Variants in PCDHGA2 observed in about 807,000 individuals in gnomAD.
The protein encoded by PCDHGA2 is protocadherin gamma-A2.
A neutral mutation model predicts 59.2 loss-of-function variants in PCDHGA2; 40 were observed. The ratio of observed to expected loss-of-function variants is 0.68; its 90% confidence interval spans 0.52 to 0.88. The LOEUF (loss-of-function observed/expected upper bound fraction) is 0.88. PCDHGA2 is among the 40% of genes least tolerant of loss of function. The pLI is 0.00. For synonymous variants in PCDHGA2, 560 were observed against 526.0 expected, an observed-to-expected ratio of 1.06 and a Z score of -0.89; for missense variants, 1,226 against 1,204.0, an observed-to-expected ratio of 1.02 and a Z score of -0.27.
intron 1 of PCDHGA2, among the ~76,000 whole-genome samples, chr5:141,458,236 C>T (rs6874378): frequency 0.18 from 27,546 of 152,106 alleles, 2,658 homozygotes; most frequent in Admixed American, 0.28. Flanking sequence ...AGTCCATGCA[C>T]CAAAATGATA....
intron 1 of PCDHGA2, among the ~76,000 whole-genome samples, chr5:141,444,006 G>T (rs1279816416): frequency 2.0e-5 from 3 of 152,012 alleles, no homozygotes; most frequent in Non-Finnish European, 4.4e-5. Flanking sequence ...TGCTACCTGG[G>T]TATTGGCTTC....
At chr5:141,478,074 A>G in intron 1 of PCDHGA2, 1 of 1,614,090 alleles carries the variant, frequency 6.2e-7, no homozygotes, top group Non-Finnish European at 8.5e-7. Context: ...GACAATGGGG[A>G]GCCTTCGCTC....
intron 1 of PCDHGA2, chr5:141,366,348 C>T (rs374896827): frequency 6.2e-7 from 1 of 1,613,948 alleles, no homozygotes; most frequent in Admixed American, 1.7e-5. Context: ...GACATCCTGG[C>T]TGACCTAGGC....
chr5:141,487,889 T>C lies in PCDHGA2; in HGVS notation c.2425-6918T>C, dbSNP rs984668596. On this transcript the variant is annotated intron_variant, in intron 1 of 3. Transcript: ENST00000394576. The surrounding 1 kb of genome is among the most constrained non-coding windows in gnomAD (Gnocchi z 5.0). ...CAAGAGCCAGGCTGTTGTGGAAGCA[T>C]GATGATGGAATGTGGGAGCACAGGA... 6.7e-6 allele frequency: 5 copies of C among 747,180 alleles called. No homozygotes were observed. The highest frequency in any genetic ancestry group is 1.1e-5 in the Non-Finnish European group (5 of 464,054). The allele number at this position is 747,180 out of a possible 1,614,324, so 46.3% of individuals were successfully genotyped here. A position where few individuals can be genotyped will look rare whatever the true frequency, so the allele number is the denominator to read the frequency against.
chr5:141,424,169 A>G (rs542346399), intron 1 of PCDHGA2: 20 of 225,850 alleles, frequency 8.9e-5, no homozygotes, highest in Middle Eastern at 2.3e-3. Context: ...TCATCTATCT[A>G]TCTATACACA....
chr5:141,356,017 GC>G, intron 1 of PCDHGA2: 1 of 1,613,934 alleles, frequency 6.2e-7, no homozygotes, highest in Non-Finnish European at 8.5e-7. Context: ...AGATGAAGGA[GC>G]CAATGGAGAC....
intron 1 of PCDHGA2, among the ~76,000 whole-genome samples, chr5:141,463,844 G>A (rs545618795): frequency 1.3e-5 from 2 of 152,258 alleles, no homozygotes; most frequent in East Asian, 3.9e-4. Context: ...AGTTGTTATA[G>A]TGGTATATCT....
rs978109236 is a variant in PCDHGA2, at chr5:141,418,889, A to G, written c.2425-75918A>G. 1.9e-6 allele frequency: 3 copies of G among 1,614,020 alleles called. No homozygotes were observed. The African/African-American group carries it at 4.0e-5, about 21-fold the overall frequency. On this transcript the variant is annotated intron_variant, in intron 1 of 3. Coordinates refer to ENST00000394576, the MANE Select transcript of PCDHGA2 (RefSeq NM_018915.4). Reference sequence around the variant, plus strand: ...AGAAGTTGTAGACGAAAACGACAACAGCCCAGAAATAATCATCACGTCACT... The same window carrying G: ...AGAAGTTGTAGACGAAAACGACAACGGCCCAGAAATAATCATCACGTCACT...
intron 1 of PCDHGA2, among the ~76,000 whole-genome samples, chr5:141,387,464 C>T (rs2240699): frequency 0.55 from 83,096 of 152,122 alleles, 25,275 homozygotes; most frequent in African/African-American, 0.83. Context: ...CCTAAAAATC[C>T]TCAAAGTTGG....
chr5:141,390,060 C>G, intron 1 of PCDHGA2: 3 of 1,614,082 alleles, frequency 1.9e-6, no homozygotes, highest in Non-Finnish European at 2.5e-6. Flanking sequence ...GAGCTGCTTC[C>G]AGCCTGGTCT....
At chr5:141,467,208 A>G (rs1272958649) in intron 1 of PCDHGA2, among the ~76,000 whole-genome samples, 1 of 152,064 alleles carries the variant, frequency 6.6e-6, no homozygotes, top group East Asian at 1.9e-4. Flanking sequence ...ACATGCCACC[A>G]TGCCTGGCTA....
chr5:141,427,921 G>A (rs2097089596), intron 1 of PCDHGA2: 3 of 1,580,128 alleles, frequency 1.9e-6, no homozygotes, highest in African/African-American at 1.3e-5. Flanking sequence ...AACATGAGCC[G>A]GCGCATGTTG....
chr5:141,374,215 C>A (rs770866531), intron 1 of PCDHGA2: 22 of 1,613,838 alleles, frequency 1.4e-5, no homozygotes, highest in South Asian at 8.8e-5. Context: ...AAGGCTCCTT[C>A]GTAGGCAACA....
At chr5:141,441,863 C>A in intron 1 of PCDHGA2, 2 of 342,418 alleles carry the variant, frequency 5.8e-6, no homozygotes, top group African/African-American at 2.2e-5. Flanking sequence ...CTGCACGCCG[C>A]GGAGCCTGGC....
At chr5:141,354,473 T>A (rs1342061479) in intron 1 of PCDHGA2, among the ~76,000 whole-genome samples, 1 of 152,204 alleles carries the variant, frequency 6.6e-6, no homozygotes, top group Non-Finnish European at 1.5e-5. Context: ...TTGTACAGGG[T>A]AAGGCTAACT....
chr5:141,374,491 A>G (rs749520440), intron 1 of PCDHGA2: 1 of 1,611,464 alleles, frequency 6.2e-7, no homozygotes, highest in Non-Finnish European at 8.5e-7. Context: ...TCTTAAAGGA[A>G]GAATTGGAAG....
At chr5:141,504,065 G>C (rs1291060280) in intron 2 of PCDHGA2, among the ~76,000 whole-genome samples, 2 of 152,060 alleles carry the variant, frequency 1.3e-5, no homozygotes, top group African/African-American at 2.4e-5. Context: ...AAACTTCTCT[G>C]AGCCAGATGG....
chr5:141,418,533 C>G, intron 1 of PCDHGA2: 1 of 1,614,032 alleles, frequency 6.2e-7, no homozygotes, highest in Non-Finnish European at 8.5e-7. Flanking sequence ...CGAAGCGGTA[C>G]TGCTCAGATA....
At chr5:141,409,876 C>G in intron 1 of PCDHGA2, 1 of 1,612,874 alleles carries the variant, frequency 6.2e-7, no homozygotes, top group East Asian at 2.2e-5. Flanking sequence ...GCAATGACAA[C>G]GCACCGCGGG....
Sources: gnomAD v4.1 joint callset for allele counts (sites outside exome capture counted in the v4.1 genomes callset) on GRCh38, gnomAD v4.1.1 for gene constraint, Gnocchi (gnomAD v3.1) non-coding constraint, MANE v1.5 for transcripts, NCBI Gene and HGNC (gene_info 2026-07-23, HGNC 2026-07-21) for gene names.